The following USP15 variants were observed in gnomAD, a reference collection of about 807,000 sequenced individuals.
The protein encoded by USP15 is ubiquitin specific peptidase 15.
USP15 carries 18 observed loss-of-function variants against 127.1 expected under a neutral mutation model. The ratio of observed to expected loss-of-function variants is 0.14; its 90% CI spans 0.10 to 0.21. The LOEUF (loss-of-function observed/expected upper bound fraction) is 0.21, where lower values mean the gene tolerates loss of function less well. Ranked by LOEUF, USP15 falls within the 10% of genes least tolerant of loss-of-function variation. USP15 has a pLI of 1.00. For missense variants in USP15, 805 were observed against 1,159.9 expected, an observed-to-expected ratio of 0.69 and a Z score of 4.44; for synonymous variants, 364 against 393.7, an observed-to-expected ratio of 0.92 and a Z score of 0.89.
intron 11 of USP15, among the ~76,000 whole-genome samples, chr12:62,388,774 G>A (rs376772094): frequency 6.6e-6 from 1 of 152,162 alleles, no homozygotes; most frequent in East Asian, 1.9e-4. Flanking sequence ...GACAAGAAGA[G>A]ATAAGAATGA....
chr12:62,266,685 G>A (rs2063199563), intron 1 of USP15, among the ~76,000 whole-genome samples: 1 of 151,922 alleles, frequency 6.6e-6, no homozygotes, highest in African/African-American at 2.4e-5. Context: ...ACTGATAAAG[G>A]TTGATTATGT....
chr12:62,389,809 C>T lies in USP15; in HGVS notation c.1665C>T (p.Asn555=), dbSNP rs1025957958. 1.9e-6 allele frequency: 3 copies of T among 1,609,454 alleles called. No individual in the cohort carries two copies. Among genetic ancestry groups the T allele is most frequent in the Non-Finnish European group, 2.5e-6 (3 of 1,177,580 alleles). ...ERDDIYVFEI[N]INRTEDTEHV... ...TTTGTCCTTGTAGGTTTGAAATTAA[C>T]ATCAATAGGACAGAAGATACAGAGC... The change falls in exon 14 of 22, where the codon AAC becomes AAT. Residue 555 remains asparagine, a synonymous_variant. Transcript: ENST00000280377.
chr12:62,396,994 T>C (rs1180003426), intron 20 of USP15, among the ~76,000 whole-genome samples: 1 of 152,178 alleles, frequency 6.6e-6, no homozygotes, highest in Non-Finnish European at 1.5e-5. Flanking sequence ...TGAGTTTAAG[T>C]GAGTAAGTGT....
rs574407617 is a variant in USP15, at chr12:62,339,046, T to C, written c.684-10175T>C. On this transcript the variant is annotated intron_variant, in intron 6 of 21. Transcript: ENST00000280377. ...TTCAATGGGGATAGCATTGAATCTATAAATTACTTTGGGCAATGTGGCCAT... is the reference window on the plus strand; with the variant it reads ...TTCAATGGGGATAGCATTGAATCTACAAATTACTTTGGGCAATGTGGCCAT... 5.9e-5 allele frequency among the ~76,000 whole-genome samples: 9 copies of C among 152,296 alleles called. No homozygotes were observed. The South Asian group carries it at 1.7e-3, about 28-fold the overall frequency.
chr12:62,384,946 T>C (rs573329388), intron 11 of USP15, among the ~76,000 whole-genome samples: 4 of 151,992 alleles, frequency 2.6e-5, no homozygotes, highest in African/African-American at 7.2e-5. Flanking sequence ...AGCACTATCT[T>C]TTCTCCCTTA....
In USP15 at chr12:62,415,256, AGTTC is replaced by A. The variant is rs1488157437; in HGVS notation, c.*10882_*10885del. ...AAAGGCAGGAAAAGACTGATGTCCCAGTTCAATCAGGCAAGAGAAATTATCCTTA... is the reference window on the plus strand; with the variant it reads ...AAAGGCAGGAAAAGACTGATGTCCCAAATCAGGCAAGAGAAATTATCCTTA... On this transcript the variant is annotated 3_prime_UTR_variant, in exon 22 of 22. Transcript: ENST00000280377. 6.6e-6 allele frequency: 1 copy of A among 152,242 alleles called. No individual in the cohort carries two copies. Among genetic ancestry groups the A allele is most frequent in the African/African-American group, 2.4e-5 (1 of 41,474 alleles). 9.4% of individuals were successfully genotyped at this position (152,242 alleles called of 1,614,324 possible).
intron 3 of USP15, among the ~76,000 whole-genome samples, chr12:62,306,473 T>TA (rs2064486290): frequency 6.6e-6 from 1 of 152,154 alleles, no homozygotes; most frequent in African/African-American, 2.4e-5. Flanking sequence ...AGGAAAGTCT[T>TA]ACTGGAAACT....
intron 3 of USP15, chr12:62,312,283 C>A: frequency 2.9e-6 from 1 of 343,756 alleles, no homozygotes. Flanking sequence ...CTTCCCATTT[C>A]AGGGAGGGAG....
At chr12:62,373,773 CA>C (rs1329076291) in intron 8 of USP15, among the ~76,000 whole-genome samples, 5 of 151,814 alleles carry the variant, frequency 3.3e-5, no homozygotes, top group African/African-American at 1.2e-4. Context: ...ATTGCTGTCA[CA>C]AAATATGTGA....
chr12:62,349,126 T>C lies in USP15; in HGVS notation c.684-95T>C, dbSNP rs1400524397. The C allele has an allele frequency of 9.8e-6, 7 of 713,842 alleles. No individual in the cohort carries two copies. In the African/African-American group the frequency reaches 1.3e-4, roughly 13 times the overall value. 44.2% of individuals were successfully genotyped at this position (713,842 alleles called of 1,614,324 possible). On this transcript the variant is annotated intron_variant, in intron 6 of 21. Transcript: ENST00000280377. ...TCATAAATCTATTTTTCAGCATTCATTTACTACAAACATTGTCATCTGTTC... is the reference window on the plus strand; with the variant it reads ...TCATAAATCTATTTTTCAGCATTCACTTACTACAAACATTGTCATCTGTTC...
At chr12:62,311,975 T>C (rs932068710) in intron 3 of USP15, among the ~76,000 whole-genome samples, 29 of 151,836 alleles carry the variant, frequency 1.9e-4, no homozygotes, top group African/African-American at 6.5e-4. Context: ...TGTTTCTGAA[T>C]ATTCTGAAGT....
intron 6 of USP15, among the ~76,000 whole-genome samples, chr12:62,347,857 TGAAAA>T (rs1401039747): frequency 6.6e-6 from 1 of 152,142 alleles, no homozygotes; most frequent in Admixed American, 6.5e-5. Flanking sequence ...ACAACCTCGT[TGAAAA>T]GAAAACATTT....
At position 62,385,604 on chromosome 12, in the gene USP15, C is replaced by T. The variant is rs114098949; in HGVS notation, c.1473+1302C>T. Reference sequence around the variant, plus strand: ...GTATTTCACTGGAGAGTGCTAAGTACTATCCCTTATCTGTGAGCAGAGCCA... The same window carrying T: ...GTATTTCACTGGAGAGTGCTAAGTATTATCCCTTATCTGTGAGCAGAGCCA... On this transcript the variant is annotated intron_variant, in intron 11 of 21. Coordinates refer to ENST00000280377, the MANE Select transcript of USP15 (RefSeq NM_001252078.2). Among the ~76,000 whole-genome samples the T allele has an allele frequency of 7.4e-3, 1,128 of 152,136 alleles. 18 individuals carry two copies. Among genetic ancestry groups the T allele is most frequent in the African/African-American group, 0.026 (1,097 of 41,558 alleles).
In USP15 at chr12:62,407,140, A is replaced by T. The variant is rs539907854; in HGVS notation, c.*2765A>T. The T allele has an allele frequency of 6.6e-6, 1 of 152,206 alleles. No individual in the cohort carries two copies. The highest frequency in any genetic ancestry group is 1.5e-5 in the Non-Finnish European group (1 of 68,034). 9.4% of individuals were successfully genotyped at this position (152,206 alleles called of 1,614,324 possible). A position where few individuals can be genotyped will look rare whatever the true frequency, so the allele number is the denominator to read the frequency against. ...AGCCAGCATTTATTGAGCACTTACTATGGACCAGGCACTATATTAAAGTGT... is the reference window on the plus strand; with the variant it reads ...AGCCAGCATTTATTGAGCACTTACTTTGGACCAGGCACTATATTAAAGTGT... On this transcript the variant is annotated 3_prime_UTR_variant, in exon 22 of 22. Coordinates refer to ENST00000280377, the MANE Select transcript of USP15 (RefSeq NM_001252078.2).
intron 2 of USP15, among the ~76,000 whole-genome samples, chr12:62,299,000 T>G (rs1565831181): frequency 1.3e-5 from 2 of 152,214 alleles, no homozygotes; most frequent in Admixed American, 6.5e-5. Flanking sequence ...CCATTAAGAA[T>G]CACACCCTAT....
rs182745922 is a variant in USP15 at position 62,376,180 on chromosome 12, T to A, written c.916-5310T>A. On this transcript the variant is annotated intron_variant, in intron 8 of 21. Transcript: ENST00000280377. The stretch of plus-strand genomic sequence containing the variant: ...AAATGCTGTTGTCAGTTTTGTGTGC[T>A]AATAACTTACATAGGAGCATTTGAA... Among the ~76,000 whole-genome samples the A allele has an allele frequency of 2.2e-4, 15 of 68,850 alleles. 1 individual carries two copies. In the East Asian group the frequency reaches 0.01, roughly 46 times the overall value. 45.2% of individuals were successfully genotyped at this position (68,850 alleles called of 152,430 possible).
At position 62,320,733 on chromosome 12, in the gene USP15, G is replaced by A. The variant is rs74095738; in HGVS notation, c.476-731G>A. Among the ~76,000 whole-genome samples the A allele has an allele frequency of 6.6e-3, 996 of 151,840 alleles. 15 individuals are homozygous for A. Among genetic ancestry groups the A allele is most frequent in the African/African-American group, 0.023 (960 of 41,430 alleles). ...TAGATGTGGGTTTTCATATTTCTTC[G>A]GAGAACGTATATTATTAAGTTTAAT... On this transcript the variant is annotated intron_variant, in intron 4 of 21. Coordinates refer to ENST00000280377, the MANE Select transcript of USP15 (RefSeq NM_001252078.2).
chr12:62,349,385 T>C (rs2065905985), intron 7 of USP15, 78 bp downstream of exon 7: 1 of 979,474 alleles, frequency 1.0e-6, no homozygotes, highest in South Asian at 3.0e-5. Context: ...GTATCTAAAA[T>C]TTAGGATAAA....
Position 62,411,351 on chromosome 12 carries a change from CTA to C in USP15, c.*6977_*6978del, listed in dbSNP as rs1320703800. Reference sequence around the variant, plus strand: ...ATCTGTTCTGTATCTGTTAAGGCCTCTAGAGCTTCATTCATTCCTTCATCAAA... The same window carrying C: ...ATCTGTTCTGTATCTGTTAAGGCCTCGAGCTTCATTCATTCCTTCATCAAA... On this transcript the variant is annotated 3_prime_UTR_variant, in exon 22 of 22. Coordinates refer to ENST00000280377, the MANE Select transcript of USP15 (RefSeq NM_001252078.2). The C allele has an allele frequency of 6.6e-6, 1 of 152,158 alleles. No individual in the cohort carries two copies. Among genetic ancestry groups the C allele is most frequent in the Non-Finnish European group, 1.5e-5 (1 of 68,038 alleles). 9.4% of individuals were successfully genotyped at this position (152,158 alleles called of 1,614,324 possible).
Sources: gnomAD v4.1 joint callset for allele counts (sites outside exome capture counted in the v4.1 genomes callset) on GRCh38, gnomAD v4.1.1 for gene constraint, MANE v1.5 for transcripts, NCBI Gene and HGNC (gene_info 2026-07-23, HGNC 2026-07-21) for gene names.